PPP2R1B: variants seen among roughly 807,000 people sequenced by gnomAD.
PPP2R1B encodes the protein protein phosphatase 2 scaffold subunit Abeta.
PPP2R1B carries 58 observed loss-of-function variants against 72.7 expected under a neutral mutation model. The observed-to-expected ratio is 0.80, with a 90% confidence interval of 0.65 to 0.99. The LOEUF is 0.99. Ranked by LOEUF, PPP2R1B falls within the 50% of genes least tolerant of loss-of-function variation. PPP2R1B has a pLI of 0.00. For missense variants in PPP2R1B, 695 were observed against 733.6 expected, an observed-to-expected ratio of 0.95 and a Z score of 0.61; for synonymous variants, 256 against 264.6, an observed-to-expected ratio of 0.97 and a Z score of 0.32.
the PPP2R1B span, among the ~76,000 whole-genome samples, chr11:111,718,085 A>C: frequency 9.8e-5 from 15 of 152,330 alleles, no homozygotes; most frequent in Non-Finnish European, 4.4e-5. Flanking sequence ...TTGAAGAAAA[A>C]AAAAGAACTT....
In PPP2R1B at chr11:111,740,241, G is replaced by C; in HGVS notation, c.*1355C>G. ...AAAAATAGTTGTTTTTTTTTGAGATGGACTCTCGCTCTATGGCCCAGGCTA... is the reference window on the plus strand; with the variant it reads ...AAAAATAGTTGTTTTTTTTTGAGATCGACTCTCGCTCTATGGCCCAGGCTA... On this transcript the variant is annotated 3_prime_UTR_variant, in exon 15 of 15. Transcript: ENST00000527614. The C allele has an allele frequency of 1.0e-6, 1 of 980,992 alleles. No homozygotes were observed. The highest frequency in any genetic ancestry group is 1.2e-6 in the Non-Finnish European group (1 of 826,058). The allele number at this position is 980,992 out of a possible 1,614,324, so 60.8% of individuals were successfully genotyped here.
Position 111,764,812 on chromosome 11 carries a change from C to T in PPP2R1B, c.299G>A (p.Cys100Tyr). The T allele has an allele frequency of 6.2e-7, 1 of 1,614,004 alleles. No homozygotes were observed. The highest frequency in any genetic ancestry group is 8.5e-7 in the Non-Finnish European group (1 of 1,179,984). ...GLVGGPDFAH[C>Y]LLPPLENLAT... ...CAGCTTATAAATACTCACCAGCAGA[C>T]AGTGGGCAAAGTCAGGACCTCCCAC... is the stretch of plus-strand genomic sequence containing the variant. The change falls in exon 3 of 15, where the codon TGT becomes TAT. Residue 100 changes from cysteine (C) to tyrosine (Y), a missense_variant. Transcript: ENST00000527614.
At chr11:111,759,659 G>A in intron 5 of PPP2R1B, 145 bp downstream of exon 5, 1 of 800,160 alleles carries the variant, frequency 1.2e-6, no homozygotes, top group Non-Finnish European at 1.8e-6. Context: ...ATTGAGATAA[G>A]CATGTTACAC....
rs113593036 is a variant in PPP2R1B at position 111,745,145 on chromosome 11, G to A, written c.1400-1615C>T. Among the ~76,000 whole-genome samples the A allele has an allele frequency of 2.3e-3, 348 of 150,516 alleles. 1 individual carries two copies. Among genetic ancestry groups the A allele is most frequent in the African/African-American group, 8.3e-3 (337 of 40,842 alleles). ...CGGCTCACTGCAACCTCCGCCTCCT[G>A]GGTTCAAGCAACTCTCCTGCCTCAG... On this transcript the variant is annotated intron_variant, in intron 11 of 14. Coordinates refer to ENST00000527614, the MANE Select transcript of PPP2R1B (RefSeq NM_002716.5).
chr11:111,758,539 G>A (rs1449532085), intron 5 of PPP2R1B, among the ~76,000 whole-genome samples: 4 of 152,086 alleles, frequency 2.6e-5, no homozygotes, highest in East Asian at 1.9e-4. Flanking sequence ...GCAGAAAGCC[G>A]AGATTGCACC....
chr11:111,701,536 C>G, the PPP2R1B span: 10 of 1,613,878 alleles, frequency 6.2e-6, no homozygotes, highest in Non-Finnish European at 7.6e-6. This position sits in a 1 kb window ranked among gnomAD's most constrained non-coding sequence, Gnocchi z 4.2. Flanking sequence ...GCAGAGGGTT[C>G]TGGAAGGAAG....
intron 15 of PPP2R1B, chr11:111,727,213 C>A: frequency 1.5e-6 from 1 of 651,810 alleles, no homozygotes; most frequent in Non-Finnish European, 2.7e-6. Context: ...CTACACCATC[C>A]ACCTTGAGAA....
downstream of PPP2R1B, chr11:111,724,155 C>A: frequency 6.3e-7 from 1 of 1,593,430 alleles, no homozygotes; most frequent in South Asian, 1.1e-5. Flanking sequence ...TGAGGTGGGT[C>A]AGGTGAAGGA....
chr11:111,712,411 T>C, the PPP2R1B span: 2 of 1,589,268 alleles, frequency 1.3e-6, no homozygotes, highest in South Asian at 1.1e-5. Context: ...AACTGGCAGT[T>C]TGGCGAGAGA....
the PPP2R1B span, chr11:111,700,913 G>A: frequency 6.2e-7 from 1 of 1,613,990 alleles, no homozygotes; most frequent in Non-Finnish European, 8.5e-7. Context: ...TTCTTTAAAA[G>A]TGGTGAACTG....
intron 1 of PPP2R1B, chr11:111,765,878 C>A: frequency 2.0e-6 from 1 of 490,732 alleles, no homozygotes; most frequent in Non-Finnish European, 4.0e-6. Context: ...CTGCGCCCCT[C>A]AGCCGCTCCA....
chr11:111,733,125 G>T (rs1462901322), downstream of PPP2R1B, among the ~76,000 whole-genome samples: 1 of 152,214 alleles, frequency 6.6e-6, no homozygotes, highest in Non-Finnish European at 1.5e-5. Context: ...CAAACCCAAG[G>T]TCAGGCAGGG....
At chr11:111,704,376 C>A in the PPP2R1B span, among the ~76,000 whole-genome samples, 1 of 152,172 alleles carries the variant, frequency 6.6e-6, no homozygotes, top group African/African-American at 2.4e-5. Context: ...GGAAAGCTGG[C>A]AGGCTAGAGA....
chr11:111,724,687 A>T (rs929057313), downstream of PPP2R1B: 2 of 156,026 alleles, frequency 1.3e-5, no homozygotes, highest in African/African-American at 4.8e-5. Context: ...CCCCAAGGCC[A>T]TCACAAAGCA....
downstream of PPP2R1B, among the ~76,000 whole-genome samples, chr11:111,735,951 T>C (rs61251516): frequency 6.4e-4 from 98 of 152,242 alleles, 2 homozygotes; most frequent in East Asian, 0.011. Flanking sequence ...CTCGGGTCAT[T>C]TTCCTTAAGT....
the PPP2R1B span, among the ~76,000 whole-genome samples, chr11:111,700,131 A>G: frequency 1.3e-5 from 2 of 152,362 alleles, no homozygotes; most frequent in African/African-American, 4.8e-5. Flanking sequence ...AAATTTTTTA[A>G]TGCATGTTGA....
intron 3 of PPP2R1B, among the ~76,000 whole-genome samples, chr11:111,761,589 T>A (rs180701119): frequency 6.6e-6 from 1 of 152,316 alleles, no homozygotes; most frequent in East Asian, 1.9e-4. Flanking sequence ...GCAAAATTGC[T>A]TTTTTCAGAA....
chr11:111,691,840 C>A, the PPP2R1B span, among the ~76,000 whole-genome samples: 4 of 152,178 alleles, frequency 2.6e-5, no homozygotes, highest in East Asian at 7.7e-4. Context: ...AAAACAGCAG[C>A]AGTGACAAAA....
chr11:111,725,449 A>C (rs2135984973), downstream of PPP2R1B: 2 of 152,652 alleles, frequency 1.3e-5, no homozygotes, highest in African/African-American at 4.8e-5. Flanking sequence ...CAGTCATCAA[A>C]GTAAGTAAAA....
Sources: gnomAD v4.1 joint callset for allele counts (sites outside exome capture counted in the v4.1 genomes callset) on GRCh38, gnomAD v4.1.1 for gene constraint, Gnocchi (gnomAD v3.1) non-coding constraint, MANE v1.5 for transcripts, NCBI Gene and HGNC (gene_info 2026-07-23, HGNC 2026-07-21) for gene names.